The following KIAA1217 variants were observed in gnomAD, a reference collection of about 807,000 sequenced individuals.
KIAA1217 encodes sickle tail protein homolog.
KIAA1217 carries 88 observed loss-of-function variants against 163.9 expected under a neutral mutation model. The observed-to-expected ratio is 0.54, with a 90% CI of 0.45 to 0.64. The LOEUF is 0.64. KIAA1217 is among the 30% of genes least tolerant of loss of function. KIAA1217 has a pLI of 0.00. For missense variants in KIAA1217, 2,372 were observed against 2,475.0 expected, an observed-to-expected ratio of 0.96 and a Z score of 0.88; for synonymous variants, 903 against 923.1, an observed-to-expected ratio of 0.98 and a Z score of 0.39.
chr10:24,004,267 G>A (rs1224900633), intron 1 of KIAA1217, among the ~76,000 whole-genome samples: 1 of 151,980 alleles, frequency 6.6e-6, no homozygotes, highest in Admixed American at 6.5e-5. Context: ...ATGAACCACA[G>A]CACCCGGCCG....
At chr10:24,031,105 G>A (rs1421944628) in intron 2 of KIAA1217, among the ~76,000 whole-genome samples, 2 of 152,132 alleles carry the variant, frequency 1.3e-5, no homozygotes, top group Non-Finnish European at 2.9e-5. Context: ...AACTACCATT[G>A]CATTTTCCAC....
In KIAA1217 at chr10:24,541,239, A is replaced by C. The variant is rs751506352; in HGVS notation, c.3535-1454A>C. 9.7e-5 allele frequency among the ~76,000 whole-genome samples: 14 copies of C among 144,292 alleles called. 1 individual carries two copies. The highest frequency in any genetic ancestry group is 1.7e-4 in the Non-Finnish European group (11 of 64,262). The allele number at this position is 144,292 out of a possible 152,430, so 94.7% of individuals were successfully genotyped here. On this transcript the variant is annotated intron_variant, in intron 17 of 20. Transcript: ENST00000376454. ...TTAAAACCTTTTACTTGACGTATTC[A>C]TTGTTTCATATTTTAAATTTAAAAT... is the stretch of plus-strand genomic sequence containing the variant.
At chr10:23,704,206 A>ATATT (rs1384981213) in intron 1 of KIAA1217, among the ~76,000 whole-genome samples, 1 of 128,692 alleles carries the variant, frequency 7.8e-6, no homozygotes, top group Non-Finnish European at 1.6e-5. Flanking sequence ...ATATATATAT[A>ATATT]TATATAGTGA....
At chr10:24,011,957 T>A (rs1196604917) in intron 2 of KIAA1217, among the ~76,000 whole-genome samples, 1 of 152,036 alleles carries the variant, frequency 6.6e-6, no homozygotes, top group African/African-American at 2.4e-5. Flanking sequence ...TCCAATGGCA[T>A]TATTTCATGT....
At chr10:24,123,545 C>T (rs2063362228) in intron 2 of KIAA1217, among the ~76,000 whole-genome samples, 1 of 152,076 alleles carries the variant, frequency 6.6e-6, no homozygotes, top group Admixed American at 6.6e-5. Flanking sequence ...CTTTGTTTTA[C>T]TAGATGTTGT....
At position 24,437,068 on chromosome 10, in the gene KIAA1217, T is replaced by A. The variant is rs572433701; in HGVS notation, c.753-1318T>A. On this transcript the variant is annotated intron_variant, in intron 4 of 20. Coordinates refer to ENST00000376454, the MANE Select transcript of KIAA1217 (RefSeq NM_019590.5). ...GATGAATATGTTTCTAAAGTCATGA[T>A]AAACCAACCTCATGCATTTTAAATA... Among the ~76,000 whole-genome samples, 3 of 152,346 alleles carry A rather than the reference T, an allele frequency of 2.0e-5. No homozygotes were observed. In the East Asian group the frequency reaches 5.8e-4, roughly 29 times the overall value.
At chr10:24,281,611 A>G (rs974474370) in intron 2 of KIAA1217, among the ~76,000 whole-genome samples, 6 of 152,110 alleles carry the variant, frequency 3.9e-5, no homozygotes, top group African/African-American at 1.4e-4. Flanking sequence ...GACCTTGACA[A>G]TTTGGAGGAG....
At chr10:23,928,895 A>G (rs1053151827) in intron 1 of KIAA1217, among the ~76,000 whole-genome samples, 2 of 152,208 alleles carry the variant, frequency 1.3e-5, no homozygotes, top group African/African-American at 4.8e-5. Context: ...AGGTCTCAGA[A>G]GGCCCCTCTG....
intron 3 of KIAA1217, among the ~76,000 whole-genome samples, chr10:24,392,700 C>A (rs1162517779): frequency 6.6e-6 from 1 of 152,206 alleles, no homozygotes; most frequent in East Asian, 1.9e-4. Flanking sequence ...TACTACTCTA[C>A]ACTTTCCCCG....
Position 23,818,102 on chromosome 10 carries a change from C to T in KIAA1217, c.-321+122868C>T, listed in dbSNP as rs1262993453. On this transcript the variant is annotated intron_variant, in intron 1 of 18. Transcript: ENST00000376462. ...ACACATATAGATATACATACACACA[C>T]ACACACACATATATATATATACTCA... 3.9e-5 allele frequency among the ~76,000 whole-genome samples: 5 copies of T among 127,218 alleles called. No homozygotes were observed. In the East Asian group the frequency reaches 1.1e-3, roughly 27 times the overall value. The allele number at this position is 127,218 out of a possible 152,430, so 83.5% of individuals were successfully genotyped here. A position where few individuals can be genotyped will look rare whatever the true frequency, so the allele number is the denominator to read the frequency against.
At chr10:24,495,054 A>G (rs1225193020) in intron 7 of KIAA1217, 93 bp from the exon 8 acceptor site, 1 of 1,035,848 alleles carries the variant, frequency 9.7e-7, no homozygotes, top group Non-Finnish European at 1.4e-6. Context: ...CATCACTGCC[A>G]ATTGCTTCAA....
intron 13 of KIAA1217, among the ~76,000 whole-genome samples, chr10:24,526,218 G>A (rs189766454): frequency 2.0e-5 from 3 of 152,166 alleles, no homozygotes; most frequent in Admixed American, 2.0e-4. Flanking sequence ...GAGACGACCT[G>A]GCAAAACTGC....
intron 1 of KIAA1217, 90 bp from the exon 2 acceptor site, chr10:24,219,536 T>G (rs1301708072): frequency 9.2e-7 from 1 of 1,087,138 alleles, no homozygotes; most frequent in Non-Finnish European, 1.3e-6. Context: ...ATTCATACAT[T>G]AACAACTGCC....
rs1448141629 is a variant in KIAA1217 at position 23,875,962 on chromosome 10, T to C, written c.-320-131263T>C. 5.7e-5 allele frequency among the ~76,000 whole-genome samples: 5 copies of C among 87,770 alleles called. 1 individual carries two copies. The highest frequency in any genetic ancestry group is 4.1e-4 in the Admixed American group (3 of 7,402). 57.6% of individuals were successfully genotyped at this position (87,770 alleles called of 152,430 possible). A position where few individuals can be genotyped will look rare whatever the true frequency, so the allele number is the denominator to read the frequency against. On this transcript the variant is annotated intron_variant, in intron 1 of 18. Coordinates refer to the KIAA1217 transcript ENST00000376462. ...TAGGGCTTGTCGGGGGGTGGGGGGC[T>C]GGGTGAGGGATAGCACTGGGAGAAA...
At chr10:24,057,771 C>T (rs570836370) in intron 2 of KIAA1217, among the ~76,000 whole-genome samples, 11 of 152,040 alleles carry the variant, frequency 7.2e-5, no homozygotes, top group East Asian at 3.9e-4. Context: ...GCTATTAAAC[C>T]GTAGGTGTTC....
chr10:24,001,970 TGA>T (rs1433757688), intron 1 of KIAA1217, among the ~76,000 whole-genome samples: 1 of 152,120 alleles, frequency 6.6e-6, no homozygotes, highest in African/African-American at 2.4e-5. Flanking sequence ...GCTGGGGTCA[TGA>T]GAGAACATAG....
chr10:24,309,348 GCGCACACACACACA>G (rs1355262093), intron 2 of KIAA1217, among the ~76,000 whole-genome samples: 2 of 125,404 alleles, frequency 1.6e-5, no homozygotes, highest in African/African-American at 5.8e-5. Flanking sequence ...GCACGCGCGC[GCGCACACACACACA>G]CACACACACA....
chr10:24,289,983 C>T (rs1395420146), intron 2 of KIAA1217, among the ~76,000 whole-genome samples: 1 of 152,038 alleles, frequency 6.6e-6, no homozygotes, highest in African/African-American at 2.4e-5. Context: ...TTATCAAAAG[C>T]GAAGAGAATA....
intron 1 of KIAA1217, among the ~76,000 whole-genome samples, chr10:23,699,767 G>A (rs1429126191): frequency 6.6e-6 from 1 of 152,164 alleles, no homozygotes; most frequent in Non-Finnish European, 1.5e-5. Flanking sequence ...TGGGATTACA[G>A]GCATGAGCCA....
Sources: allele counts gnomAD v4.1 joint callset (sites outside exome capture counted in the v4.1 genomes callset), GRCh38; gene constraint gnomAD v4.1.1; transcripts MANE v1.5; gene names NCBI Gene and HGNC (gene_info 2026-07-23, HGNC 2026-07-21).